Variants in CTNNA2 observed in about 807,000 individuals in gnomAD.
CTNNA2 encodes catenin alpha 2, also known as catenin alpha-2.
CTNNA2 carries 42 observed loss-of-function variants against 101.0 expected under a neutral mutation model. The ratio of observed to expected loss-of-function variants is 0.42; its 90% CI spans 0.32 to 0.54. CTNNA2 has a LOEUF of 0.54. CTNNA2 is among the 20% of genes least tolerant of loss of function. The pLI, the probability that CTNNA2 is intolerant of heterozygous loss-of-function variation, is 0.14. For synonymous variants in CTNNA2, 450 were observed against 456.4 expected, an observed-to-expected ratio of 0.99 and a Z score of 0.18; for missense variants, 871 against 1,223.1, an observed-to-expected ratio of 0.71 and a Z score of 4.29.
chr2:80,431,908 TTC>T (rs1054149794), intron 9 of CTNNA2, among the ~76,000 whole-genome samples: 1 of 152,142 alleles, frequency 6.6e-6, no homozygotes, highest in African/African-American at 2.4e-5. Flanking sequence ...GGTTTTTTTT[TTC>T]TTTTTCTTTT....
intron 7 of CTNNA2, among the ~76,000 whole-genome samples, chr2:80,198,545 C>T (rs1270262561): frequency 6.6e-6 from 1 of 152,018 alleles, no homozygotes. Flanking sequence ...TATGAGATTG[C>T]CAGTTAGTCT....
intron 3 of CTNNA2, among the ~76,000 whole-genome samples, chr2:79,854,559 G>T (rs1187118662): frequency 6.6e-6 from 1 of 152,194 alleles, no homozygotes; most frequent in African/African-American, 2.4e-5. Context: ...TTTCATCCAT[G>T]AGTTAATACA....
chr2:80,081,007 A>G (rs1212814042), intron 7 of CTNNA2, among the ~76,000 whole-genome samples: 1 of 150,794 alleles, frequency 6.6e-6, no homozygotes, highest in Non-Finnish European at 1.5e-5. Flanking sequence ...CATGGGACAT[A>G]CTTTATACGT....
At chr2:80,493,959 A>T (rs1423024143) in intron 9 of CTNNA2, among the ~76,000 whole-genome samples, 1 of 152,196 alleles carries the variant, frequency 6.6e-6, no homozygotes, top group African/African-American at 2.4e-5. Flanking sequence ...TAAACAGTGG[A>T]ATGGTACGTA....
chr2:80,531,683 C>T (rs996425341), intron 9 of CTNNA2, among the ~76,000 whole-genome samples: 1 of 152,038 alleles, frequency 6.6e-6, no homozygotes, highest in Non-Finnish European at 1.5e-5. Flanking sequence ...GTTTTCTGGC[C>T]CCAGAACTTT....
At chr2:80,333,459 A>G (rs1054884682) in intron 7 of CTNNA2, among the ~76,000 whole-genome samples, 6 of 152,196 alleles carry the variant, frequency 3.9e-5, no homozygotes, top group African/African-American at 1.4e-4. Context: ...GAGATAAATA[A>G]GAGATATGCA....
intron 3 of CTNNA2, among the ~76,000 whole-genome samples, chr2:79,819,003 G>GTTTTTTTT (rs1677797590): frequency 6.9e-6 from 1 of 144,990 alleles, no homozygotes. Flanking sequence ...TAATTGAGAC[G>GTTTTTTTT]GAGTCTCACT....
intron 1 of CTNNA2, among the ~76,000 whole-genome samples, chr2:79,599,441 A>C (rs904642742): frequency 3.3e-5 from 5 of 152,222 alleles, no homozygotes; most frequent in Non-Finnish European, 5.9e-5. Flanking sequence ...ATTTTTATGA[A>C]TACATAATGC....
intron 3 of CTNNA2, among the ~76,000 whole-genome samples, chr2:79,355,572 G>T (rs1033146540): frequency 2.0e-5 from 3 of 152,104 alleles, no homozygotes; most frequent in Non-Finnish European, 4.4e-5. Flanking sequence ...TGCCAAAGGA[G>T]ACCCAGTACA....
intron 2 of CTNNA2, among the ~76,000 whole-genome samples, chr2:79,260,500 T>C (rs1674906696): frequency 6.6e-6 from 1 of 152,194 alleles, no homozygotes; most frequent in African/African-American, 2.4e-5. Flanking sequence ...TGAGAGAAGC[T>C]TCTGAATAGA....
chr2:80,178,035 C>T (rs903807003), intron 7 of CTNNA2, among the ~76,000 whole-genome samples: 1 of 152,190 alleles, frequency 6.6e-6, no homozygotes, highest in African/African-American at 2.4e-5. Context: ...TGCACAAAGC[C>T]TGTGTAAATC....
chr2:80,267,216 G>A (rs577606294), intron 7 of CTNNA2, among the ~76,000 whole-genome samples: 6 of 152,068 alleles, frequency 3.9e-5, no homozygotes, highest in Non-Finnish European at 8.8e-5. Flanking sequence ...CTTCCCACTA[G>A]TTCTCAGAGG....
chr2:80,486,765 C>T (rs932470588), intron 9 of CTNNA2, among the ~76,000 whole-genome samples: 1 of 152,168 alleles, frequency 6.6e-6, no homozygotes, highest in Non-Finnish European at 1.5e-5. Flanking sequence ...CTAATGTTAA[C>T]ATTTTATATA....
intron 15 of CTNNA2, among the ~76,000 whole-genome samples, chr2:80,597,461 A>G (rs1377216591): frequency 6.6e-6 from 1 of 152,218 alleles, no homozygotes; most frequent in Non-Finnish European, 1.5e-5. Flanking sequence ...AACAAAAACC[A>G]AAATTGACAA....
chr2:79,265,945 T>C (rs1238861285), intron 2 of CTNNA2, among the ~76,000 whole-genome samples: 2 of 152,154 alleles, frequency 1.3e-5, no homozygotes, highest in East Asian at 3.9e-4. Context: ...ATTACTATTC[T>C]AGAGACCTCA....
chr2:79,264,064 G>A (rs1434184), intron 2 of CTNNA2, among the ~76,000 whole-genome samples: 89,974 of 152,030 alleles, frequency 0.59, 26,851 homozygotes, highest in Non-Finnish European at 0.61. Flanking sequence ...GTAAAGAAAT[G>A]TAAGTGAGTG....
intron 7 of CTNNA2, among the ~76,000 whole-genome samples, chr2:80,057,088 C>T (rs2104359637): frequency 6.6e-6 from 1 of 151,876 alleles, no homozygotes; most frequent in African/African-American, 2.4e-5. Context: ...TGTGTAAGGC[C>T]TCATTCTGTT....
At chr2:80,200,588 T>C (rs1707135645) in intron 7 of CTNNA2, among the ~76,000 whole-genome samples, 2 of 152,202 alleles carry the variant, frequency 1.3e-5, no homozygotes, top group East Asian at 3.9e-4. Context: ...CAGGCTGGAG[T>C]GCAATGGCGT....
At chr2:79,560,113 A>G (rs1211849721) in intron 1 of CTNNA2, among the ~76,000 whole-genome samples, 2 of 149,570 alleles carry the variant, frequency 1.3e-5, no homozygotes, top group African/African-American at 4.9e-5. Context: ...TGACAATCTT[A>G]GTTAAAAGAG....
Sources: allele counts gnomAD v4.1 joint callset (sites outside exome capture counted in the v4.1 genomes callset), GRCh38; gene constraint gnomAD v4.1.1; transcripts MANE v1.5; gene names NCBI Gene and HGNC (gene_info 2026-07-23, HGNC 2026-07-21).